The following DHRS3 variants were observed in gnomAD, a reference collection of about 807,000 sequenced individuals.
The protein encoded by DHRS3 is short-chain dehydrogenase/reductase 3.
Under a neutral mutation model 27.2 loss-of-function variants are expected in DHRS3, and 14 were observed. The ratio of observed to expected loss-of-function variants is 0.52; its 90% CI spans 0.34 to 0.81. DHRS3 has a LOEUF of 0.81. DHRS3 is among the 30% of genes least tolerant of loss of function. The pLI is 0.01. For synonymous variants in DHRS3, 165 were observed against 175.9 expected, an observed-to-expected ratio of 0.94 and a Z score of 0.49; for missense variants, 322 against 406.2, an observed-to-expected ratio of 0.79 and a Z score of 1.78.
intron 1 of DHRS3, among the ~76,000 whole-genome samples, chr1:12,585,527 C>T (rs1387522986): frequency 6.6e-6 from 1 of 152,192 alleles, no homozygotes; most frequent in Non-Finnish European, 1.5e-5. Flanking sequence ...CTCTGAAGTG[C>T]TGGGCTGGCG....
chr1:12,569,127 A>G (rs1646510646), intron 5 of DHRS3, among the ~76,000 whole-genome samples: 2 of 151,514 alleles, frequency 1.3e-5, no homozygotes, highest in African/African-American at 2.4e-5. Context: ...CTGAGGCAGG[A>G]GAATTGCTTG....
Position 12,586,885 on chromosome 1 carries a change from G to T in DHRS3, c.196-6219C>A, listed in dbSNP as rs980527661. Among the ~76,000 whole-genome samples the T allele has an allele frequency of 6.6e-6, 1 of 152,082 alleles. No individual in the cohort carries two copies. The highest frequency in any genetic ancestry group is 2.4e-5 in the African/African-American group (1 of 41,394). ...TGTGGGGATTAAGCTGGCAGAAGCT[G>T]GCACCCACTAACTAACTGCTCAGTA... is the stretch of plus-strand genomic sequence containing the variant. On this transcript the variant is annotated intron_variant, in intron 1 of 5. Coordinates refer to ENST00000616661, the MANE Select transcript of DHRS3 (RefSeq NM_004753.7). The surrounding 1 kb of genome is among the most constrained non-coding windows in gnomAD (Gnocchi z 5.0).
At chr1:12,598,483 G>A (rs535945746) in intron 1 of DHRS3, among the ~76,000 whole-genome samples, 5 of 152,248 alleles carry the variant, frequency 3.3e-5, no homozygotes, top group South Asian at 2.1e-4. Flanking sequence ...CTTATCCTCC[G>A]TTCTAGAATC....
intron 1 of DHRS3, among the ~76,000 whole-genome samples, chr1:12,581,600 C>G (rs1430265210): frequency 1.3e-5 from 2 of 152,136 alleles, no homozygotes; most frequent in African/African-American, 2.4e-5. Flanking sequence ...AGGGTTTGGG[C>G]AAATTTATGA....
At chr1:12,584,630 A>G (rs1162087111) in intron 1 of DHRS3, among the ~76,000 whole-genome samples, 1 of 152,168 alleles carries the variant, frequency 6.6e-6, no homozygotes, top group Non-Finnish European at 1.5e-5. Context: ...CTTCTGTAAG[A>G]GGAGAGACCA....
chr1:12,579,025 G>T, intron 3 of DHRS3, 69 bp from the exon 4 acceptor site: 1 of 1,435,844 alleles, frequency 7.0e-7, no homozygotes, highest in Non-Finnish European at 9.6e-7. Flanking sequence ...TTCTTTCGGG[G>T]AGAACAGCCC....
At chr1:12,600,258 C>G (rs1024767498) in intron 1 of DHRS3, 4 of 669,176 alleles carry the variant, frequency 6.0e-6, no homozygotes, top group Non-Finnish European at 7.4e-6. Context: ...AACATTTCCA[C>G]TGACTTGAAG....
chr1:12,611,490 G>A (rs927691528), intron 1 of DHRS3, among the ~76,000 whole-genome samples: 1 of 152,218 alleles, frequency 6.6e-6, no homozygotes, highest in African/African-American at 2.4e-5. Context: ...TTTTGAATGG[G>A]TGTGGGGCTC....
At chr1:12,607,129 T>C (rs979500222) in intron 1 of DHRS3, among the ~76,000 whole-genome samples, 1 of 152,222 alleles carries the variant, frequency 6.6e-6, no homozygotes, top group Non-Finnish European at 1.5e-5. Context: ...CACCAGATGG[T>C]CCTGCTCCAC....
chr1:12,577,152 A>C (rs886240638), intron 4 of DHRS3, among the ~76,000 whole-genome samples: 7 of 152,130 alleles, frequency 4.6e-5, no homozygotes, highest in African/African-American at 1.7e-4. Flanking sequence ...AAGGTGAAGC[A>C]CTGTACGCTG....
chr1:12,606,308 C>T (rs1257947121), intron 1 of DHRS3, among the ~76,000 whole-genome samples: 13 of 77,972 alleles, frequency 1.7e-4, no homozygotes, highest in Non-Finnish European at 2.6e-4. Context: ...TGACAATTAA[C>T]AGCAAAAAAA....
intron 1 of DHRS3, among the ~76,000 whole-genome samples, chr1:12,597,331 C>A (rs548325403): frequency 1.3e-5 from 2 of 152,350 alleles, no homozygotes; most frequent in African/African-American, 4.8e-5. Context: ...CCCACCTCAG[C>A]CTTCCAAAGT....
chr1:12,602,282 C>T (rs1349213064), intron 1 of DHRS3, among the ~76,000 whole-genome samples: 1 of 152,156 alleles, frequency 6.6e-6, no homozygotes, highest in Non-Finnish European at 1.5e-5. Flanking sequence ...TGCAGAAAGG[C>T]CTATGTTGGA....
At chr1:12,585,714 G>A (rs1048092550) in intron 1 of DHRS3, among the ~76,000 whole-genome samples, 2 of 152,194 alleles carry the variant, frequency 1.3e-5, no homozygotes, top group African/African-American at 2.4e-5. Flanking sequence ...CTGCAGGCCC[G>A]CCCAGGTGGC....
At chr1:12,596,466 C>T (rs1646798444) in intron 1 of DHRS3, among the ~76,000 whole-genome samples, 1 of 152,086 alleles carries the variant, frequency 6.6e-6, no homozygotes, top group Non-Finnish European at 1.5e-5. Flanking sequence ...GGATGGCTTC[C>T]AGGTATAAAG....
At chr1:12,599,159 G>A (rs1037123373) in intron 1 of DHRS3, among the ~76,000 whole-genome samples, 3 of 152,258 alleles carry the variant, frequency 2.0e-5, no homozygotes, top group African/African-American at 7.2e-5. Context: ...CTGCTAGGAC[G>A]AAGGTCAACT....
At chr1:12,568,809 C>A (rs1487088334) in intron 5 of DHRS3, among the ~76,000 whole-genome samples, 1 of 152,106 alleles carries the variant, frequency 6.6e-6, no homozygotes, top group Non-Finnish European at 1.5e-5. Flanking sequence ...TGCCTATAGT[C>A]CTAGCTACTG....
intron 1 of DHRS3, among the ~76,000 whole-genome samples, chr1:12,610,509 T>C (rs924709597): frequency 3.3e-5 from 5 of 152,312 alleles, no homozygotes; most frequent in Middle Eastern, 3.4e-3. Flanking sequence ...GCCTGGCATA[T>C]AGTAGGTGCT....
chr1:12,579,222 ATCCCC>A, intron 3 of DHRS3, 66 bp downstream of exon 3: 1 of 1,611,504 alleles, frequency 6.2e-7, no homozygotes, highest in Non-Finnish European at 8.5e-7. Context: ...CTGGCAAATC[ATCCCC>A]TCCCCTCCAT....
Sources: allele counts gnomAD v4.1 joint callset (sites outside exome capture counted in the v4.1 genomes callset), GRCh38; gene constraint gnomAD v4.1.1; non-coding constraint Gnocchi (gnomAD v3.1); transcripts MANE v1.5; gene names NCBI Gene and HGNC (gene_info 2026-07-23, HGNC 2026-07-21).